Variants in PCDHA1 observed in about 807,000 individuals in gnomAD.
PCDHA1 encodes protocadherin alpha-1.
A neutral mutation model predicts 61.3 loss-of-function variants in PCDHA1; 42 were observed. That is an observed-to-expected ratio of 0.69 (90% CI 0.54 to 0.89). The LOEUF (loss-of-function observed/expected upper bound fraction) is 0.89, where lower values mean the gene tolerates loss of function less well. Among genes scored for constraint, PCDHA1 ranks in the 40% least tolerant of loss-of-function variants. PCDHA1 has a pLI of 0.00. For synonymous variants in PCDHA1, 610 were observed against 553.8 expected, an observed-to-expected ratio of 1.10 and a Z score of -1.43; for missense variants, 1,256 against 1,235.3, an observed-to-expected ratio of 1.02 and a Z score of -0.25.
chr5:140,975,996 C>T (rs923472287), intron 1 of PCDHA1, among the ~76,000 whole-genome samples: 1 of 152,064 alleles, frequency 6.6e-6, no homozygotes, highest in African/African-American at 2.4e-5. Flanking sequence ...GAGGTACCAT[C>T]TAAGTATTAA....
chr5:140,870,308 A>G, intron 1 of PCDHA1: 1 of 1,614,140 alleles, frequency 6.2e-7, no homozygotes, highest in Non-Finnish European at 8.5e-7. Context: ...ACCTTCAAGA[A>G]TTACTACTCG....
At chr5:140,879,086 A>G (rs1182722619) in intron 1 of PCDHA1, among the ~76,000 whole-genome samples, 2 of 152,226 alleles carry the variant, frequency 1.3e-5, no homozygotes, top group Admixed American at 6.5e-5. Context: ...ATAAGTAGGA[A>G]CAACTGCACA....
At chr5:140,797,947 G>A (rs1290909404) in intron 1 of PCDHA1, among the ~76,000 whole-genome samples, 1 of 152,120 alleles carries the variant, frequency 6.6e-6, no homozygotes, top group African/African-American at 2.4e-5. Context: ...CTGCCACCCG[G>A]GTTCAAGTGA....
At chr5:140,916,832 G>A (rs1286597127) in intron 1 of PCDHA1, among the ~76,000 whole-genome samples, 3 of 152,104 alleles carry the variant, frequency 2.0e-5, no homozygotes, top group East Asian at 1.9e-4. Context: ...TATCCCTCTG[G>A]TTCTGAGCCC....
Position 140,788,118 on chromosome 5 carries a change from G to A in PCDHA1, c.1828G>A (p.Glu610Lys), listed in dbSNP as rs782673699. The A allele has an allele frequency of 3.7e-6, 6 of 1,614,000 alleles. No homozygotes were observed. In the East Asian group the frequency reaches 1.3e-4, roughly 36 times the overall value. The change falls in exon 1 of 4, where the codon GAA becomes AAA. Residue 610 changes from glutamate to lysine, a missense_variant. Coordinates refer to ENST00000504120, the MANE Select transcript of PCDHA1 (RefSeq NM_018900.4). ...DSGYNAWLSY[E>K]LQPAAGGARI... Reference sequence around the variant, plus strand: ...GGGCTACAACGCGTGGCTGTCCTATGAACTGCAGCCGGCAGCAGGCGGCGC... The same window carrying A: ...GGGCTACAACGCGTGGCTGTCCTATAAACTGCAGCCGGCAGCAGGCGGCGC...
At chr5:140,830,335 G>C (rs1236321619) in intron 1 of PCDHA1, 10 of 1,613,956 alleles carry the variant, frequency 6.2e-6, no homozygotes, top group Non-Finnish European at 3.4e-6. Flanking sequence ...TGGGGAGCTG[G>C]TCGTACTCGC....
At chr5:140,843,318 T>C (rs2150190993) in intron 1 of PCDHA1, 3 of 1,596,010 alleles carry the variant, frequency 1.9e-6, no homozygotes, top group East Asian at 2.2e-5. Flanking sequence ...GCCACGGTTC[T>C]GGTGTCGCTG....
Position 140,858,435 on chromosome 5 carries a change from A to T in PCDHA1, c.2394+69751A>T, listed in dbSNP as rs2045411060. The T allele has an allele frequency of 2.5e-5, 38 of 1,543,330 alleles. 4 individuals are homozygous for T. Among genetic ancestry groups the T allele is most frequent in the Non-Finnish European group, 3.1e-5 (35 of 1,135,660 alleles). ...TCTATTGGAGGGGACCACTCTAGGA[A>T]GGTGGGTTATTACGTTTTCATTTTC... On this transcript the variant is annotated intron_variant, in intron 1 of 3. Transcript: ENST00000504120.
chr5:140,787,975 C>A lies in PCDHA1; in HGVS notation c.1685C>A (p.Ala562Glu), dbSNP rs1305662985. ...QVFVLDENDNAPALLAPRVGG... is the reference protein window; with the variant it reads ...QVFVLDENDNEPALLAPRVGG... Reference sequence around the variant, plus strand: ...TTCGTGCTGGACGAGAACGACAACGCGCCGGCGCTGCTGGCGCCTCGAGTG... The same window carrying A: ...TTCGTGCTGGACGAGAACGACAACGAGCCGGCGCTGCTGGCGCCTCGAGTG... The change falls in exon 1 of 4, where the codon GCG (alanine) becomes GAG (glutamate). Residue 562 changes from alanine (A) to glutamate (E), a missense_variant. Ala to Glu is a moderately radical substitution (Grantham distance 107, BLOSUM62 -1). Transcript: ENST00000504120. 1.2e-6 allele frequency: 2 copies of A among 1,613,882 alleles called. No homozygotes were observed. Among genetic ancestry groups the A allele is most frequent in the African/African-American group, 2.7e-5 (2 of 74,936 alleles).
intron 1 of PCDHA1, among the ~76,000 whole-genome samples, chr5:140,933,701 A>G (rs1204346571): frequency 6.6e-6 from 1 of 151,814 alleles, no homozygotes; most frequent in East Asian, 1.9e-4. Flanking sequence ...CCTCGGACAC[A>G]TTTACTGAGA....
chr5:140,789,003 T>C, intron 1 of PCDHA1: 1 of 390,226 alleles, frequency 2.6e-6, no homozygotes, highest in Middle Eastern at 6.9e-4. Context: ...CAGTGACATA[T>C]TCGGGGTAAC....
chr5:140,806,999 C>G lies in PCDHA1; in HGVS notation c.2394+18315C>G, dbSNP rs1193056952. 6 of 721,872 alleles carry G rather than the reference C, an allele frequency of 8.3e-6. 1 individual carries two copies. The Middle Eastern group carries it at 1.2e-3, about 146-fold the overall frequency. The allele number at this position is 721,872 out of a possible 1,614,324, so 44.7% of individuals were successfully genotyped here. A position where few individuals can be genotyped will look rare whatever the true frequency, so the allele number is the denominator to read the frequency against. ...CGGTTTGGAGCCACATGATGTCGCT[C>G]TTTACCACAAAATACATGAGAGAAG... On this transcript the variant is annotated intron_variant, in intron 1 of 3. Transcript: ENST00000504120.
chr5:140,829,611 A>G lies in PCDHA1; in HGVS notation c.2394+40927A>G, dbSNP rs1282023154. 6 of 1,612,132 alleles carry G rather than the reference A, an allele frequency of 3.7e-6. No individual in the cohort carries two copies. The East Asian group carries it at 6.7e-5, about 18-fold the overall frequency. On this transcript the variant is annotated intron_variant, in intron 1 of 3. Coordinates refer to ENST00000504120, the MANE Select transcript of PCDHA1 (RefSeq NM_018900.4). ...GTGGGCGAGCGCGCGTTGTCGAGCT[A>G]CATTTCGGTGCACGCGGAGAGCGGC...
chr5:140,949,915 T>A (rs1459531816), intron 1 of PCDHA1, among the ~76,000 whole-genome samples: 1 of 151,274 alleles, frequency 6.6e-6, no homozygotes, highest in African/African-American at 2.4e-5. Context: ...TAGATATAAC[T>A]ATTTTTAGAT....
At chr5:140,946,875 G>C (rs1283632599) in intron 1 of PCDHA1, among the ~76,000 whole-genome samples, 2 of 151,288 alleles carry the variant, frequency 1.3e-5, no homozygotes, top group Non-Finnish European at 3.0e-5. Context: ...TGGTCAATGG[G>C]TACGAAGTTA....
At chr5:140,828,295 C>T (rs1769680333) in intron 1 of PCDHA1, 1 of 1,614,006 alleles carries the variant, frequency 6.2e-7, no homozygotes, top group Non-Finnish European at 8.5e-7. Flanking sequence ...GGATGGCCTC[C>T]AAAGACCGCG....
At position 140,848,511 on chromosome 5, in the gene PCDHA1, C is replaced by A. The variant is rs1554142145; in HGVS notation, c.2394+59827C>A. On this transcript the variant is annotated intron_variant, in intron 1 of 3. Transcript: ENST00000504120. ...AGTATTTGAAATGTTATACTCAAGT[C>A]GAGGAGATCCAGAGGGTCAGCCTCT... is the stretch of plus-strand genomic sequence containing the variant. 3 of 1,589,608 alleles carry A rather than the reference C, an allele frequency of 1.9e-6. No individual in the cohort carries two copies. The Admixed American group carries it at 5.1e-5, about 27-fold the overall frequency.
intron 1 of PCDHA1, chr5:140,807,684 C>A (rs782583674): frequency 1.9e-6 from 3 of 1,614,118 alleles, no homozygotes; most frequent in Non-Finnish European, 2.5e-6. Context: ...GGGGAGAACG[C>A]CCTGCTCACT....
rs144324178 is a variant in PCDHA1, at chr5:140,795,111, G to A, written c.2394+6427G>A. The A allele has an allele frequency of 1.1e-5, 17 of 1,614,062 alleles. No homozygotes were observed. The African/African-American group carries it at 1.7e-4, about 16-fold the overall frequency. ...ACGGCACCTTCGTGGGCCGCATCGC[G>A]CAGGACCTGGGGCTGGAGCTGGAGG... On this transcript the variant is annotated intron_variant, in intron 1 of 3. Coordinates refer to ENST00000504120, the MANE Select transcript of PCDHA1 (RefSeq NM_018900.4).
Sources: gnomAD v4.1 joint callset for allele counts (sites outside exome capture counted in the v4.1 genomes callset) on GRCh38, gnomAD v4.1.1 for gene constraint, MANE v1.5 for transcripts, NCBI Gene and HGNC (gene_info 2026-07-23, HGNC 2026-07-21) for gene names.